Variants in RPGRIP1L observed in about 807,000 individuals in gnomAD.
RPGRIP1L encodes protein fantom.
RPGRIP1L carries 131 observed loss-of-function variants against 160.4 expected under a neutral mutation model. The ratio of observed to expected loss-of-function variants is 0.82; its 90% CI spans 0.71 to 0.94. The LOEUF is 0.94. Ranked by LOEUF, RPGRIP1L falls within the 40% of genes least tolerant of loss-of-function variation. RPGRIP1L has a pLI of 0.00. For synonymous variants in RPGRIP1L, 510 were observed against 515.8 expected (o/e 0.99, Z 0.15); for missense variants, 1,522 against 1,535.8 (o/e 0.99, Z 0.15).
chr16:53,654,235 G>A (rs1407545980), intron 14 of RPGRIP1L, among the ~76,000 whole-genome samples: 1 of 152,152 alleles, frequency 6.6e-6, no homozygotes, highest in Admixed American at 6.5e-5. Context: ...AGGTTAATAA[G>A]CTTCTACCTC....
intron 6 of RPGRIP1L, among the ~76,000 whole-genome samples, chr16:53,677,441 T>C (rs922872313): frequency 3.9e-5 from 6 of 152,202 alleles, no homozygotes; most frequent in Admixed American, 3.9e-4. Context: ...TGACTTTATT[T>C]TTTTTTCATG....
rs754697392 is a variant in RPGRIP1L, at chr16:53,602,177, G to T, written c.3847C>A (p.Arg1283=). The T allele has an allele frequency of 1.2e-6, 2 of 1,611,814 alleles. No individual in the cohort carries two copies. The highest frequency in any genetic ancestry group is 4.5e-5 in the East Asian group (2 of 44,866). ...IEQNIDVFDA[R]ADGEGIGKLR... ...TTGCCAATACCTTCACCATCTGCTCGTGCATCAAAAACTAGGGAGAAAAGA... is the reference window on the plus strand; with the variant it reads ...TTGCCAATACCTTCACCATCTGCTCTTGCATCAAAAACTAGGGAGAAAAGA... The change falls in exon 27 of 27, where the codon CGA becomes AGA. Residue 1283 remains arginine (R), a synonymous_variant. Coordinates refer to ENST00000647211, the MANE Select transcript of RPGRIP1L (RefSeq NM_015272.5).
chr16:53,621,844 A>C (rs1480879323), intron 23 of RPGRIP1L, among the ~76,000 whole-genome samples: 2 of 150,204 alleles, frequency 1.3e-5, no homozygotes, highest in Non-Finnish European at 3.0e-5. Flanking sequence ...AAATATGGTG[A>C]AACCCCGTCT....
chr16:53,700,880 A>G (rs191151298), intron 1 of RPGRIP1L, 150 bp from the exon 2 acceptor site: 3 of 693,732 alleles, frequency 4.3e-6, no homozygotes, highest in Non-Finnish European at 7.9e-6. Flanking sequence ...GAAAGCTTCT[A>G]TTCTAATAGT....
intron 15 of RPGRIP1L, among the ~76,000 whole-genome samples, chr16:53,652,169 G>A (rs945370762): frequency 2.0e-5 from 3 of 151,968 alleles, no homozygotes; most frequent in East Asian, 1.9e-4. Context: ...TCTGCCTCTC[G>A]GGTTCAAGCA....
intron 26 of RPGRIP1L, among the ~76,000 whole-genome samples, chr16:53,604,444 G>A (rs1963551919): frequency 6.6e-6 from 1 of 152,210 alleles, no homozygotes; most frequent in Admixed American, 6.5e-5. Context: ...AATGGGACTA[G>A]GAATCAGCCT....
intron 2 of RPGRIP1L, among the ~76,000 whole-genome samples, chr16:53,697,644 G>A (rs956086930): frequency 7.2e-5 from 11 of 152,284 alleles, no homozygotes; most frequent in South Asian, 2.1e-4. Context: ...GATTGCAGAC[G>A]GTGTCTGGTT....
chr16:53,689,484 A>T (rs1240267878), intron 4 of RPGRIP1L, among the ~76,000 whole-genome samples: 1 of 152,174 alleles, frequency 6.6e-6, no homozygotes, highest in Non-Finnish European at 1.5e-5. Context: ...GCTTTACAAA[A>T]ATCTTTGTTC....
intron 1 of RPGRIP1L, among the ~76,000 whole-genome samples, chr16:53,702,914 G>A (rs936016665): frequency 1.3e-5 from 2 of 152,182 alleles, no homozygotes; most frequent in African/African-American, 4.8e-5. Context: ...ACGGGTATTA[G>A]TCTTGTTCAC....
chr16:53,644,054 T>A (rs1234899872), intron 17 of RPGRIP1L, among the ~76,000 whole-genome samples: 1 of 152,150 alleles, frequency 6.6e-6, no homozygotes, highest in Non-Finnish European at 1.5e-5. Context: ...AATGTTTGGG[T>A]GCGGTAGCAT....
chr16:53,615,674 A>G (rs1486892340), intron 24 of RPGRIP1L, among the ~76,000 whole-genome samples: 2 of 151,728 alleles, frequency 1.3e-5, no homozygotes, highest in African/African-American at 4.8e-5. Context: ...GGGTTTCACC[A>G]TGTTGGTCAG....
intron 14 of RPGRIP1L, among the ~76,000 whole-genome samples, chr16:53,655,959 A>G (rs1479042369): frequency 6.6e-6 from 1 of 152,224 alleles, no homozygotes; most frequent in East Asian, 1.9e-4. Context: ...AAACAGCAAG[A>G]ACAAAGGCAT....
At chr16:53,618,985 A>G (rs1964546259) in intron 24 of RPGRIP1L, 40 bp downstream of exon 24, 2 of 1,477,050 alleles carry the variant, frequency 1.4e-6, no homozygotes, top group African/African-American at 2.8e-5. Context: ...AATAAAAAAG[A>G]CAAACATAAA....
chr16:53,608,044 C>T (rs1373855459), intron 25 of RPGRIP1L: 7 of 831,170 alleles, frequency 8.4e-6, no homozygotes, highest in Non-Finnish European at 8.7e-6. Flanking sequence ...GAAGGAAGAA[C>T]AGGAAGTGCT....
intron 2 of RPGRIP1L, among the ~76,000 whole-genome samples, chr16:53,697,066 C>T (rs2151383630): frequency 6.6e-6 from 1 of 152,096 alleles, no homozygotes; most frequent in East Asian, 1.9e-4. Context: ...TGGTGGCGGA[C>T]ACCTGTAGTC....
Position 53,619,152 on chromosome 16 carries a change from T to C in RPGRIP1L, c.3489A>G (p.Val1163=). The C allele has an allele frequency of 6.2e-7, 1 of 1,614,064 alleles. No individual in the cohort carries two copies. Among genetic ancestry groups the C allele is most frequent in the South Asian group, 1.1e-5 (1 of 91,078 alleles). ...GCCGTTGGATAGTGTCATCCATGGT[T>C]ACTTGAGAATCATTAAGGCTTAGAG... ...IIALSLNDSQ[V]TMDDTIQRLF... Residue 1163 remains valine (V), a synonymous_variant, in exon 24 of 27, where the codon GTA becomes GTG. Transcript: ENST00000647211.
chr16:53,601,177 C>T lies in RPGRIP1L; in HGVS notation c.*899G>A, dbSNP rs1231575513. ...TTTCGAGGATCTGGTTACCCAGATA[C>T]ACCCTGGCACTGTACTGGCTTGATG... On this transcript the variant is annotated 3_prime_UTR_variant, in exon 27 of 27. Coordinates refer to ENST00000647211, the MANE Select transcript of RPGRIP1L (RefSeq NM_015272.5). The T allele has an allele frequency of 6.6e-6, 1 of 152,590 alleles. No individual in the cohort carries two copies. Among genetic ancestry groups the T allele is most frequent in the African/African-American group, 2.4e-5 (1 of 41,434 alleles). 9.5% of individuals were successfully genotyped at this position (152,590 alleles called of 1,614,324 possible).
chr16:53,663,400 G>A (rs1242583449), intron 10 of RPGRIP1L, among the ~76,000 whole-genome samples: 1 of 151,982 alleles, frequency 6.6e-6, no homozygotes, highest in Non-Finnish European at 1.5e-5. Flanking sequence ...ACAGCTTTAG[G>A]ATTCTTGATA....
intron 22 of RPGRIP1L, among the ~76,000 whole-genome samples, chr16:53,625,681 G>A (rs1171962080): frequency 1.3e-5 from 2 of 152,200 alleles, no homozygotes; most frequent in Admixed American, 6.5e-5. Context: ...TGATGAGGAT[G>A]GCGGTTTTGT....
Sources: allele counts gnomAD v4.1 joint callset (sites outside exome capture counted in the v4.1 genomes callset), GRCh38; gene constraint gnomAD v4.1.1; transcripts MANE v1.5; gene names NCBI Gene and HGNC (gene_info 2026-07-23, HGNC 2026-07-21).